HTRA3: variants seen among roughly 807,000 people sequenced by gnomAD.
The protein encoded by HTRA3 is serine protease HTRA3.
Under a neutral mutation model 43.2 loss-of-function variants are expected in HTRA3, and 41 were observed. The observed-to-expected ratio is 0.95, with a 90% CI of 0.74 to 1.23. The LOEUF (loss-of-function observed/expected upper bound fraction) is 1.23. Ranked by LOEUF, HTRA3 falls within the 50% of genes most tolerant of loss-of-function variation. The probability of loss-of-function intolerance (pLI) is 0.00; values close to 1 mark genes in which losing one functional copy is unlikely to be tolerated. For synonymous variants in HTRA3, 295 were observed against 287.9 expected, an observed-to-expected ratio of 1.02 and a Z score of -0.25; for missense variants, 628 against 647.1, an observed-to-expected ratio of 0.97 and a Z score of 0.32.
intron 4 of HTRA3, 63 bp downstream of exon 4, chr4:8,291,627 G>T: frequency 7.6e-7 from 1 of 1,321,170 alleles, no homozygotes; most frequent in African/African-American, 1.5e-5. Context: ...CAACCTCGAG[G>T]TGGTCTCTGA....
In HTRA3 at chr4:8,279,476, G is replaced by A. The variant is rs1000310355; in HGVS notation, c.386-2961G>A. On this transcript the variant is annotated intron_variant, in intron 1 of 8. Transcript: ENST00000307358. The surrounding 1 kb of genome is among the most constrained non-coding windows in gnomAD (Gnocchi z 7.4). ...GTGCTGTGCAGATCTTCAGGCTGCC[G>A]CGTCAGAGCTCAGGGGCCCAGCAGC... 3.3e-5 allele frequency among the ~76,000 whole-genome samples: 5 copies of A among 152,158 alleles called. No homozygotes were observed. The highest frequency in any genetic ancestry group is 7.2e-5 in the African/African-American group (3 of 41,496).
At chr4:8,284,696 C>T (rs1260261765) in intron 2 of HTRA3, among the ~76,000 whole-genome samples, 2 of 152,204 alleles carry the variant, frequency 1.3e-5, no homozygotes, top group African/African-American at 4.8e-5. Flanking sequence ...TGTGAGTGGA[C>T]AGATGCTGGG....
chr4:8,294,212 C>T lies in HTRA3; in HGVS notation c.1051+11C>T, dbSNP rs1351803979. ...ACAAGCAGATCAAAGGTAAAGAGCT[C>T]ACCTGGAGGGGGCCAGAGGCAGGGG... On this transcript the variant is annotated intron_variant, in intron 6 of 8. Coordinates refer to ENST00000307358, the MANE Select transcript of HTRA3 (RefSeq NM_053044.5). 3 of 1,586,502 alleles carry T rather than the reference C, an allele frequency of 1.9e-6. No homozygotes were observed. Among genetic ancestry groups the T allele is most frequent in the Non-Finnish European group, 2.6e-6 (3 of 1,158,530 alleles).
At position 8,291,344 on chromosome 4, in the gene HTRA3, C is replaced by G. The variant is rs548870581; in HGVS notation, c.709-26C>G. Reference sequence around the variant, plus strand: ...AAGGTAGACGGCTAAGCCTCCCTCTCTGTGTCTTCTCCTTCTCTCTCCTAG... The same window carrying G: ...AAGGTAGACGGCTAAGCCTCCCTCTGTGTGTCTTCTCCTTCTCTCTCCTAG... On this transcript the variant is annotated intron_variant, in intron 3 of 8. Coordinates refer to ENST00000307358, the MANE Select transcript of HTRA3 (RefSeq NM_053044.5). 3 of 1,603,820 alleles carry G rather than the reference C, an allele frequency of 1.9e-6. No individual in the cohort carries two copies. The African/African-American group carries it at 4.0e-5, about 21-fold the overall frequency.
At chr4:8,288,116 G>A (rs1713067955) in intron 3 of HTRA3, among the ~76,000 whole-genome samples, 1 of 152,198 alleles carries the variant, frequency 6.6e-6, no homozygotes, top group African/African-American at 2.4e-5. Context: ...CCCCATCAAG[G>A]GAGAGGAGAT....
Position 8,296,428 on chromosome 4 carries a change from T to C in HTRA3, c.1051+2227T>C. The C allele has an allele frequency of 3.0e-6, 3 of 985,476 alleles. No individual in the cohort carries two copies. Among genetic ancestry groups the C allele is most frequent in the Non-Finnish European group, 3.6e-6 (3 of 829,932 alleles). 61.0% of individuals were successfully genotyped at this position (985,476 alleles called of 1,614,324 possible). On this transcript the variant is annotated intron_variant, in intron 6 of 8. Coordinates refer to ENST00000307358, the MANE Select transcript of HTRA3 (RefSeq NM_053044.5). The surrounding 1 kb of genome is among the most constrained non-coding windows in gnomAD (Gnocchi z 5.3). ...AAAATCCTTCTGAAGTTGACTGGTG[T>C]TTGTACTTGCTTCTCTTTTTTATTT...
intron 6 of HTRA3, among the ~76,000 whole-genome samples, chr4:8,299,322 G>A (rs1319207308): frequency 6.6e-6 from 1 of 152,076 alleles, no homozygotes; most frequent in Non-Finnish European, 1.5e-5. Context: ...AATGATTTTT[G>A]GATGTTCACC....
intron 3 of HTRA3, among the ~76,000 whole-genome samples, chr4:8,289,230 G>A (rs1713129293): frequency 1.3e-5 from 2 of 152,188 alleles, no homozygotes; most frequent in South Asian, 4.1e-4. Flanking sequence ...GATTACAGGT[G>A]TGAGCCATGG....
rs73224096 is a variant in HTRA3, at chr4:8,296,330, C to T, written c.1051+2129C>T. Reference sequence around the variant, plus strand: ...ATATCCCCTGTCCTCAGAGCTGTGTCCCCTCCCCAAGGACAGTGCAGACTA... The same window carrying T: ...ATATCCCCTGTCCTCAGAGCTGTGTTCCCTCCCCAAGGACAGTGCAGACTA... On this transcript the variant is annotated intron_variant, in intron 6 of 8. Transcript: ENST00000307358. The surrounding 1 kb of genome is among the most constrained non-coding windows in gnomAD (Gnocchi z 5.3). The T allele has an allele frequency of 0.047, 46,687 of 985,404 alleles. 1,136 individuals are homozygous for T. Among genetic ancestry groups the T allele is most frequent in the Non-Finnish European group, 0.051 (42,663 of 829,916 alleles). The allele number at this position is 985,404 out of a possible 1,614,324, so 61.0% of individuals were successfully genotyped here. A position where few individuals can be genotyped will look rare whatever the true frequency, so the allele number is the denominator to read the frequency against.
At chr4:8,276,901 T>G (rs531505526) in intron 1 of HTRA3, among the ~76,000 whole-genome samples, 1 of 152,348 alleles carries the variant, frequency 6.6e-6, no homozygotes, top group South Asian at 2.1e-4. Context: ...CTTGTTTCCT[T>G]GCCTGTAAAA....
intron 3 of HTRA3, 129 bp from the exon 4 acceptor site, chr4:8,291,241 A>G: frequency 1.3e-6 from 1 of 789,520 alleles, no homozygotes; most frequent in Non-Finnish European, 2.1e-6. Flanking sequence ...CTGAGCCTTC[A>G]CAGTCCTGGT....
chr4:8,270,083 T>C lies in HTRA3; in HGVS notation c.115T>C (p.Cys39Arg), dbSNP rs1341348774. 1 of 1,527,126 alleles carries C rather than the reference T, an allele frequency of 6.5e-7. No homozygotes were observed. 94.6% of individuals were successfully genotyped at this position (1,527,126 alleles called of 1,614,324 possible). ...CDVSRCPSPR[C>R]PGGYVPDLCN... ...CGTGTCGCGGTGTCCCAGCCCCCGC[T>C]GCCCCGGCGGCTACGTGCCCGACCT... The change falls in exon 1 of 9, where the codon TGC becomes CGC. Residue 39 changes from cysteine (C) to arginine (R), a missense_variant. Physicochemically the swap from Cys to Arg is radical, Grantham distance 180. Coordinates refer to ENST00000307358, the MANE Select transcript of HTRA3 (RefSeq NM_053044.5).
At chr4:8,294,914 A>G (rs901727868) in intron 6 of HTRA3, among the ~76,000 whole-genome samples, 6 of 143,238 alleles carry the variant, frequency 4.2e-5, no homozygotes, top group Non-Finnish European at 7.6e-5. Context: ...CCAACCACCA[A>G]TTCTTCCATC....
intron 6 of HTRA3, among the ~76,000 whole-genome samples, chr4:8,298,094 C>T (rs1713517913): frequency 6.6e-6 from 1 of 152,216 alleles, no homozygotes; most frequent in African/African-American, 2.4e-5. Flanking sequence ...ACTCGCTGCC[C>T]TGGACCGTTA....
chr4:8,305,853 G>A lies in HTRA3; in HGVS notation c.1197-118G>A, dbSNP rs1173552690. 117 of 1,099,710 alleles carry A rather than the reference G, an allele frequency of 1.1e-4. No individual in the cohort carries two copies. In the South Asian group the frequency reaches 1.1e-3, roughly 10 times the overall value. The allele number at this position is 1,099,710 out of a possible 1,614,324, so 68.1% of individuals were successfully genotyped here. A position where few individuals can be genotyped will look rare whatever the true frequency, so the allele number is the denominator to read the frequency against. On this transcript the variant is annotated intron_variant, in intron 8 of 8. Transcript: ENST00000307358. ...GGCTGGGGCACTGTTCTTTCCCATC[G>A]AGATGACTTTTGTTGAAATGTTGTC...
chr4:8,271,524 G>A (rs1712276137), intron 1 of HTRA3, among the ~76,000 whole-genome samples: 1 of 152,188 alleles, frequency 6.6e-6, no homozygotes, highest in African/African-American at 2.4e-5. Context: ...AGCCACCGCA[G>A]GGTTTGGCGG....
At chr4:8,292,132 G>A (rs1713271121) in intron 4 of HTRA3, among the ~76,000 whole-genome samples, 189 bp from the exon 5 acceptor site, 2 of 152,206 alleles carry the variant, frequency 1.3e-5, no homozygotes, top group African/African-American at 2.4e-5. Flanking sequence ...GTCAGACCTC[G>A]GTCATCAGGC....
At chr4:8,298,583 C>T (rs1249146436) in intron 6 of HTRA3, among the ~76,000 whole-genome samples, 1 of 151,900 alleles carries the variant, frequency 6.6e-6, no homozygotes, top group African/African-American at 2.4e-5. Context: ...AACCCAAGAT[C>T]AGAAAGATTT....
intron 7 of HTRA3, 66 bp from the exon 8 acceptor site, chr4:8,304,118 G>A (rs1176637328): frequency 7.6e-7 from 1 of 1,322,634 alleles, no homozygotes; most frequent in Non-Finnish European, 1.1e-6. Context: ...GGAGGGAGGG[G>A]CAGCTTCATA....
Sources: allele counts gnomAD v4.1 joint callset (sites outside exome capture counted in the v4.1 genomes callset), GRCh38; gene constraint gnomAD v4.1.1; non-coding constraint Gnocchi (gnomAD v3.1); transcripts MANE v1.5; gene names NCBI Gene and HGNC (gene_info 2026-07-23, HGNC 2026-07-21).